ADORA2B: variants seen among roughly 807,000 people sequenced by gnomAD.
ADORA2B encodes adenosine A2b receptor.
Under a neutral mutation model 20.8 loss-of-function variants are expected in ADORA2B, and 18 were observed. The observed-to-expected ratio is 0.87, with a 90% CI of 0.60 to 1.29. The LOEUF is 1.29. ADORA2B is among the 50% of genes most tolerant of loss of function. The pLI, the probability that ADORA2B is intolerant of heterozygous loss-of-function variation, is 0.00. For synonymous variants in ADORA2B, 179 were observed against 178.3 expected, an observed-to-expected ratio of 1.00 and a Z score of -0.03; for missense variants, 441 against 422.7, an observed-to-expected ratio of 1.04 and a Z score of -0.38.
At chr17:15,935,111 T>C in the ADORA2B span, among the ~76,000 whole-genome samples, 1 of 152,216 alleles carries the variant, frequency 6.6e-6, no homozygotes, top group Non-Finnish European at 1.5e-5. Context: ...CTGGCCTGTA[T>C]TTACATTTCA....
upstream of ADORA2B, among the ~76,000 whole-genome samples, chr17:15,941,728 C>CAAAA (rs750541311): frequency 1.1e-5 from 1 of 87,336 alleles, no homozygotes; most frequent in Admixed American, 1.3e-4. Flanking sequence ...ACTCTTGTTT[C>CAAAA]AAAAAAAAAA....
At chr17:15,889,121 G>A in the ADORA2B span, among the ~76,000 whole-genome samples, 2 of 123,776 alleles carry the variant, frequency 1.6e-5, 1 homozygote, top group Admixed American at 1.6e-4. Context: ...ACCTGCCTCG[G>A]CCTCCCAAAG....
chr17:15,908,221 G>A, the ADORA2B span, among the ~76,000 whole-genome samples: 1 of 151,940 alleles, frequency 6.6e-6, no homozygotes, highest in African/African-American at 2.4e-5. Context: ...ACAAGTAGCT[G>A]GAACTACAGG....
the ADORA2B span, among the ~76,000 whole-genome samples, chr17:15,884,744 G>A: frequency 2.6e-5 from 4 of 152,170 alleles, no homozygotes; most frequent in Admixed American, 6.5e-5. Flanking sequence ...TGCAAAGGAT[G>A]TGATCTCGTT....
the ADORA2B span, among the ~76,000 whole-genome samples, chr17:15,854,057 G>A: frequency 2.1e-4 from 32 of 152,348 alleles, no homozygotes; most frequent in Admixed American, 1.0e-3. Flanking sequence ...CCAAGTTCAA[G>A]TGATTGTCCT....
the ADORA2B span, among the ~76,000 whole-genome samples, chr17:15,890,548 T>C: frequency 6.6e-6 from 1 of 152,072 alleles, no homozygotes. Flanking sequence ...ATTATAATCT[T>C]AGTTCTTCTT....
the ADORA2B span, among the ~76,000 whole-genome samples, chr17:15,899,155 G>A: frequency 6.6e-6 from 1 of 151,964 alleles, no homozygotes; most frequent in Non-Finnish European, 1.5e-5. Flanking sequence ...ACTTGAACCT[G>A]GGAGGCGGAG....
chr17:15,974,488 CTGAGT>C, intron 1 of ADORA2B, 186 bp from the exon 2 acceptor site: 1 of 541,754 alleles, frequency 1.8e-6, no homozygotes, highest in Non-Finnish European at 3.3e-6. Context: ...GAAGATCTTA[CTGAGT>C]TTTCTAGAGC....
the ADORA2B span, among the ~76,000 whole-genome samples, chr17:15,921,053 G>A: frequency 2.6e-5 from 4 of 152,244 alleles, no homozygotes; most frequent in Non-Finnish European, 5.9e-5. Context: ...CCGGCCTTCC[G>A]ATCATTCCAG....
the ADORA2B span, among the ~76,000 whole-genome samples, chr17:15,896,461 G>A: frequency 6.6e-6 from 1 of 152,174 alleles, no homozygotes; most frequent in Non-Finnish European, 1.5e-5. Context: ...TCGCCAAACT[G>A]ATCAGATGCA....
intron 1 of ADORA2B, among the ~76,000 whole-genome samples, chr17:15,957,932 G>T (rs569472407): frequency 5.4e-4 from 81 of 149,878 alleles, no homozygotes; most frequent in Non-Finnish European, 9.2e-4. Flanking sequence ...GTTTTTTTTT[G>T]TTTGTTTGTT....
chr17:15,963,176 G>C (rs1359281770), intron 1 of ADORA2B, among the ~76,000 whole-genome samples: 3 of 152,126 alleles, frequency 2.0e-5, no homozygotes, highest in Non-Finnish European at 4.4e-5. Flanking sequence ...TAATGAAAAG[G>C]AATGATTGAG....
At chr17:15,874,628 G>C in the ADORA2B span, among the ~76,000 whole-genome samples, 1 of 152,050 alleles carries the variant, frequency 6.6e-6, no homozygotes, top group East Asian at 1.9e-4. Context: ...AGAGTTCAAG[G>C]CTGCAGTGAA....
chr17:15,901,647 C>T, the ADORA2B span, among the ~76,000 whole-genome samples: 1 of 152,224 alleles, frequency 6.6e-6, no homozygotes, highest in South Asian at 2.1e-4. Context: ...GCACACAGCT[C>T]CTAGGCAAGA....
At chr17:15,882,651 T>C in the ADORA2B span, among the ~76,000 whole-genome samples, 2 of 152,136 alleles carry the variant, frequency 1.3e-5, no homozygotes, top group Non-Finnish European at 2.9e-5. Flanking sequence ...GAAGGAAGTA[T>C]CTATATCAAA....
the ADORA2B span, among the ~76,000 whole-genome samples, chr17:15,870,552 G>A: frequency 2.7e-5 from 4 of 149,664 alleles, no homozygotes; most frequent in South Asian, 8.5e-4. Context: ...GGCAGAGGTT[G>A]CAGTGAGCCA....
chr17:15,951,296 G>A (rs192117166), intron 1 of ADORA2B, among the ~76,000 whole-genome samples: 93 of 152,360 alleles, frequency 6.1e-4, no homozygotes, highest in Non-Finnish European at 1.1e-3. Flanking sequence ...CAGGCAGCCA[G>A]CAGGGGCTGT....
At chr17:15,865,148 T>C in the ADORA2B span, among the ~76,000 whole-genome samples, 1 of 152,262 alleles carries the variant, frequency 6.6e-6, no homozygotes, top group African/African-American at 2.4e-5. Context: ...TAGGACAGTA[T>C]CTGTTTTCTG....
chr17:15,918,238 G>T, the ADORA2B span, among the ~76,000 whole-genome samples: 1 of 152,154 alleles, frequency 6.6e-6, no homozygotes, highest in Admixed American at 6.5e-5. Context: ...CAAGGCCCCA[G>T]CTCCTTATAC....
Sources: allele counts gnomAD v4.1 joint callset (sites outside exome capture counted in the v4.1 genomes callset), GRCh38; gene constraint gnomAD v4.1.1; transcripts MANE v1.5; gene names NCBI Gene and HGNC (gene_info 2026-07-23, HGNC 2026-07-21).